FGF3: variants seen among roughly 807,000 people sequenced by gnomAD.
The protein encoded by FGF3 is FGF-3.
FGF3 carries 7 observed loss-of-function variants against 9.8 expected under a neutral mutation model. The ratio of observed to expected loss-of-function variants is 0.72; its 90% CI spans 0.41 to 1.35. The LOEUF (loss-of-function observed/expected upper bound fraction) is 1.35. FGF3 is among the 40% of genes most tolerant of loss of function. The pLI, the probability that FGF3 is intolerant of heterozygous loss-of-function variation, is 0.01. For missense variants in FGF3, 390 were observed against 345.6 expected (o/e 1.13, Z -1.02); for synonymous variants, 173 against 157.2 (o/e 1.10, Z -0.75).
At chr11:69,818,692 C>A in intron 1 of FGF3, 22 bp downstream of exon 1, 3 of 1,457,062 alleles carry the variant, frequency 2.1e-6, no homozygotes, top group Non-Finnish European at 2.7e-6. Context: ...TCCCCCGGGG[C>A]CCCGCAGCGT....
chr11:69,815,413 G>A (rs566760995), intron 2 of FGF3, among the ~76,000 whole-genome samples: 2 of 152,284 alleles, frequency 1.3e-5, no homozygotes, highest in East Asian at 3.9e-4. Flanking sequence ...AGAAAATGAA[G>A]GGGCGCATCC....
At position 69,818,813 on chromosome 11, in the gene FGF3, C is replaced by A. The variant is rs1856187899; in HGVS notation, c.121G>T (p.Gly41Trp). Residue 41 changes from glycine (G) to tryptophan (W), a missense_variant, in exon 1 of 3, where the codon GGG (glycine) becomes TGG (tryptophan). Transcript: ENST00000334134. Reference protein sequence around the residue: ...GRGGVYEHLGGAPRRRKLYCA... With the variant: ...GRGGVYEHLGWAPRRRKLYCA... ...TAGAGCTTGCGGCGCCGGGGCGCCC[C>A]GCCAAGGTGCTCGTAGACGCCGCCA... 1.9e-5 allele frequency: 29 copies of A among 1,489,482 alleles called. No homozygotes were observed. Among genetic ancestry groups the A allele is most frequent in the Non-Finnish European group, 2.2e-5 (25 of 1,126,660 alleles). The allele number at this position is 1,489,482 out of a possible 1,614,324, so 92.3% of individuals were successfully genotyped here. A position where few individuals can be genotyped will look rare whatever the true frequency, so the allele number is the denominator to read the frequency against.
intron 1 of FGF3, among the ~76,000 whole-genome samples, chr11:69,818,076 G>GCAGATTC (rs1284468624): frequency 2.7e-5 from 4 of 148,810 alleles, no homozygotes; most frequent in Non-Finnish European, 6.0e-5. Flanking sequence ...CGGGGGAGGT[G>GCAGATTC]CAGATTCCAG....
At chr11:69,818,687 C>T in intron 1 of FGF3, 27 bp downstream of exon 1, 1 of 1,447,532 alleles carries the variant, frequency 6.9e-7, no homozygotes. Context: ...CCGCTTCCCC[C>T]GGGGCCCCGC....
In FGF3 at chr11:69,818,116, G is replaced by A. The variant is rs536677849; in HGVS notation, c.220+598C>T. On this transcript the variant is annotated intron_variant, in intron 1 of 2. Coordinates refer to ENST00000334134, the MANE Select transcript of FGF3 (RefSeq NM_005247.4). ...GGGAATAACTGTCGGTGGCGGCCGCGGCCAGGGAACCGAGCTCCGCAGGGC... is the reference window on the plus strand; with the variant it reads ...GGGAATAACTGTCGGTGGCGGCCGCAGCCAGGGAACCGAGCTCCGCAGGGC... Among the ~76,000 whole-genome samples, 10 of 152,232 alleles carry A rather than the reference G, an allele frequency of 6.6e-5. No individual in the cohort carries two copies. The South Asian group carries it at 2.1e-3, about 32-fold the overall frequency.
chr11:69,818,872 G>T lies in FGF3; in HGVS notation c.62C>A (p.Pro21His). Reference protein sequence around the residue: ...LLEPGWPAAGPGARLRRDAGG... With the variant: ...LLEPGWPAAGHGARLRRDAGG... ...CGCATCGCGCCGCAACCGCGCCCCA[G>T]GGCCCGCTGCGGGCCAGCCGGGCTC... Residue 21 changes from proline to histidine, a missense_variant, in exon 1 of 3, where the codon CCT becomes CAT. By Grantham distance (77) the Pro-to-His change is moderately conservative. Coordinates refer to ENST00000334134, the MANE Select transcript of FGF3 (RefSeq NM_005247.4). 6.8e-7 allele frequency: 1 copy of T among 1,463,676 alleles called. No individual in the cohort carries two copies. Among genetic ancestry groups the T allele is most frequent in the Non-Finnish European group, 9.0e-7 (1 of 1,114,128 alleles). 90.7% of individuals were successfully genotyped at this position (1,463,676 alleles called of 1,614,324 possible).
intron 2 of FGF3, among the ~76,000 whole-genome samples, chr11:69,814,075 AAAG>A (rs1856088555): frequency 6.6e-6 from 1 of 151,860 alleles, no homozygotes; most frequent in Admixed American, 6.6e-5. Flanking sequence ...GAGAGAAAGG[AAAG>A]AAGGAAGGAA....
rs962392187 is a variant in FGF3 at position 69,817,922 on chromosome 11, C to G, written c.220+792G>C. Among the ~76,000 whole-genome samples, 3 of 152,320 alleles carry G rather than the reference C, an allele frequency of 2.0e-5. No homozygotes were observed. The South Asian group carries it at 6.2e-4, about 32-fold the overall frequency. ...GGCAGACTCCCGCGGTGAGCGCAGCCCGGGCCGCGGGTCCTGCGTGCGGGG... is the reference window on the plus strand; with the variant it reads ...GGCAGACTCCCGCGGTGAGCGCAGCGCGGGCCGCGGGTCCTGCGTGCGGGG... On this transcript the variant is annotated intron_variant, in intron 1 of 2. Transcript: ENST00000334134.
At chr11:69,817,605 G>A (rs1554981236) in intron 1 of FGF3, 3 of 152,250 alleles carry the variant, frequency 2.0e-5, no homozygotes, top group Non-Finnish European at 4.4e-5. Flanking sequence ...TGCCCACCGT[G>A]CGGCTCCGGA....
At chr11:69,813,893 T>C (rs1370405486) in intron 2 of FGF3, among the ~76,000 whole-genome samples, 1 of 146,152 alleles carries the variant, frequency 6.8e-6, no homozygotes, top group Non-Finnish European at 1.5e-5. Context: ...GATGGGTGGA[T>C]GGCTGGATGG....
At chr11:69,816,157 A>G (rs946469344) in intron 2 of FGF3, among the ~76,000 whole-genome samples, 163 bp downstream of exon 2, 3 of 152,104 alleles carry the variant, frequency 2.0e-5, no homozygotes, top group African/African-American at 7.2e-5. Context: ...GACACAGCCA[A>G]AGATCACTGG....
chr11:69,815,155 G>A (rs782479526), intron 2 of FGF3, among the ~76,000 whole-genome samples: 13 of 149,316 alleles, frequency 8.7e-5, no homozygotes, highest in Admixed American at 3.3e-4. Context: ...GGGTGGATGG[G>A]TGGATGGGTA....
Position 69,818,769 on chromosome 11 carries a change from G to T in FGF3, c.165C>A (p.His55Gln), listed in dbSNP as rs2119939523. Residue 55 changes from histidine to glutamine, a missense_variant, in exon 1 of 3, where the codon CAC (histidine) becomes CAA (glutamine). Transcript: ENST00000334134. Reference protein sequence around the residue: ...RRKLYCATKYHLQLHPSGRVN... With the variant: ...RRKLYCATKYQLQLHPSGRVN... ...CGCGGCCGCTCGGGTGCAGCTGGAG[G>T]TGGTACTTCGTGGCGCAGTAGAGCT... 1 of 1,497,316 alleles carries T rather than the reference G, an allele frequency of 6.7e-7. No individual in the cohort carries two copies. The highest frequency in any genetic ancestry group is 2.8e-5 in the East Asian group (1 of 36,132). The allele number at this position is 1,497,316 out of a possible 1,614,324, so 92.8% of individuals were successfully genotyped here.
chr11:69,818,893 G>T lies in FGF3; in HGVS notation c.41C>A (p.Pro14His). 6.8e-7 allele frequency: 1 copy of T among 1,465,542 alleles called. No individual in the cohort carries two copies. 90.8% of individuals were successfully genotyped at this position (1,465,542 alleles called of 1,614,324 possible). ...CCCAGGGCCCGCTGCGGGCCAGCCG[G>T]GCTCCAGCAGGCTGAGCAGTAGCAG... ...IWLLLLSLLE[P>H]GWPAAGPGAR... Residue 14 changes from proline (P) to histidine (H), a missense_variant, in exon 1 of 3, where the codon CCC becomes CAC. Transcript: ENST00000334134.
At chr11:69,817,812 G>T (rs1401991849) in intron 1 of FGF3, among the ~76,000 whole-genome samples, 1 of 152,190 alleles carries the variant, frequency 6.6e-6, no homozygotes, top group Non-Finnish European at 1.5e-5. Flanking sequence ...GTCCTCCCGG[G>T]CCCTGAGCTC....
At chr11:69,811,504 G>A (rs1856031362) in intron 2 of FGF3, among the ~76,000 whole-genome samples, 1 of 149,954 alleles carries the variant, frequency 6.7e-6, no homozygotes. Context: ...AAAGAAAAAA[G>A]AAGAAAGAAC....
At chr11:69,816,630 C>T (rs116047388) in intron 1 of FGF3, among the ~76,000 whole-genome samples, 170 of 152,316 alleles carry the variant, frequency 1.1e-3, no homozygotes, top group African/African-American at 3.7e-3. Context: ...GGCTTCTCTT[C>T]ATTCAAACTT....
intron 2 of FGF3, among the ~76,000 whole-genome samples, chr11:69,815,986 G>A (rs1004375068): frequency 8.5e-5 from 13 of 152,160 alleles, no homozygotes; most frequent in South Asian, 4.1e-4. Context: ...CATTTATTTT[G>A]GTGGAAATTT....
At position 69,810,130 on chromosome 11, in the gene FGF3, G is replaced by A. The variant is rs1855998572; in HGVS notation, c.*175C>T. 5 of 618,012 alleles carry A rather than the reference G, an allele frequency of 8.1e-6. No individual in the cohort carries two copies. Among genetic ancestry groups the A allele is most frequent in the Non-Finnish European group, 8.0e-6 (3 of 373,674 alleles). 38.3% of individuals were successfully genotyped at this position (618,012 alleles called of 1,614,324 possible). A position where few individuals can be genotyped will look rare whatever the true frequency, so the allele number is the denominator to read the frequency against. ...CTGCATTGCAGGCAGCCCCCTCCGA[G>A]CTCCGACTTGGGCCCTCTTCAGTTC... On this transcript the variant is annotated 3_prime_UTR_variant, in exon 3 of 3. Transcript: ENST00000334134.
Sources: allele counts gnomAD v4.1 joint callset (sites outside exome capture counted in the v4.1 genomes callset), GRCh38; gene constraint gnomAD v4.1.1; transcripts MANE v1.5; gene names NCBI Gene and HGNC (gene_info 2026-07-23, HGNC 2026-07-21).